MAP3K13: variants seen among roughly 807,000 people sequenced by gnomAD.
The protein encoded by MAP3K13 is mitogen-activated protein kinase kinase kinase 13.
A neutral mutation model predicts 104.0 loss-of-function variants in MAP3K13; 52 were observed. The observed-to-expected ratio is 0.50, with a 90% CI of 0.40 to 0.63. The LOEUF is 0.63. Ranked by LOEUF, MAP3K13 falls within the 20% of genes least tolerant of loss-of-function variation. MAP3K13 has a pLI of 0.00. For missense variants in MAP3K13, 914 were observed against 1,218.5 expected, an observed-to-expected ratio of 0.75 and a Z score of 3.72; for synonymous variants, 394 against 442.2, an observed-to-expected ratio of 0.89 and a Z score of 1.37.
chr3:185,326,975 T>C (rs1164468685), intron 2 of MAP3K13, among the ~76,000 whole-genome samples: 4 of 152,238 alleles, frequency 2.6e-5, no homozygotes, highest in African/African-American at 9.6e-5. Context: ...CCTGTATTAT[T>C]TTTCTATTGC....
At chr3:185,454,548 T>TATATATGATATATATATG (rs1716190459) in intron 7 of MAP3K13, among the ~76,000 whole-genome samples, 5 of 114,484 alleles carry the variant, frequency 4.4e-5, no homozygotes, top group South Asian at 2.5e-4. Flanking sequence ...ATATATATGA[T>TATATATGATATATATATG]ATATACACAT....
chr3:185,365,398 T>C (rs952559604), intron 1 of MAP3K13, among the ~76,000 whole-genome samples: 4 of 152,212 alleles, frequency 2.6e-5, no homozygotes, highest in African/African-American at 9.7e-5. Flanking sequence ...AGCCATGTCC[T>C]GGGGAACTGT....
At chr3:185,431,704 C>T (rs772237083) in intron 2 of MAP3K13, among the ~76,000 whole-genome samples, 1 of 152,192 alleles carries the variant, frequency 6.6e-6, no homozygotes, top group African/African-American at 2.4e-5. Flanking sequence ...CTGTTGACAG[C>T]TTTTCCACAA....
upstream of MAP3K13, chr3:185,363,119 C>T (rs1723712487): frequency 9.1e-6 from 9 of 984,442 alleles, no homozygotes; most frequent in Non-Finnish European, 1.1e-5. Flanking sequence ...TCTGGACCCG[C>T]CCCTCTTTTT....
chr3:185,334,187 AAT>A (rs1001494838), intron 2 of MAP3K13, among the ~76,000 whole-genome samples: 1 of 152,188 alleles, frequency 6.6e-6, no homozygotes, highest in African/African-American at 2.4e-5. Flanking sequence ...TAGAAAGTGC[AAT>A]ATATATATAC....
In MAP3K13 at chr3:185,485,589, C is replaced by T. The variant is rs1280061472; in HGVS notation, c.*3133C>T. 6.6e-6 allele frequency: 1 copy of T among 151,856 alleles called. No homozygotes were observed. Among genetic ancestry groups the T allele is most frequent in the African/African-American group, 2.4e-5 (1 of 41,324 alleles). 9.4% of individuals were successfully genotyped at this position (151,856 alleles called of 1,614,324 possible). Reference sequence around the variant, plus strand: ...TTAGTAGCAGTCTCGGTGATCAGATCGACTGTCTCGGTTATCAGATGACTG... The same window carrying T: ...TTAGTAGCAGTCTCGGTGATCAGATTGACTGTCTCGGTTATCAGATGACTG... On this transcript the variant is annotated 3_prime_UTR_variant, in exon 14 of 14. Coordinates refer to ENST00000265026, the MANE Select transcript of MAP3K13 (RefSeq NM_004721.5).
rs1223334895 is a variant in MAP3K13 at position 185,486,987 on chromosome 3, T to G, written c.*4531T>G. 1 of 152,238 alleles carries G rather than the reference T, an allele frequency of 6.6e-6. No homozygotes were observed. The highest frequency in any genetic ancestry group is 1.5e-5 in the Non-Finnish European group (1 of 68,050). 9.4% of individuals were successfully genotyped at this position (152,238 alleles called of 1,614,324 possible). On this transcript the variant is annotated 3_prime_UTR_variant, in exon 14 of 14. Coordinates refer to ENST00000265026, the MANE Select transcript of MAP3K13 (RefSeq NM_004721.5). ...CTAGCTACTTGAAGTTGAGATACTA[T>G]ATTTTAAAATGTTGGCATCAAACAA...
intron 2 of MAP3K13, among the ~76,000 whole-genome samples, chr3:185,347,218 C>T (rs62288718): frequency 0.15 from 22,513 of 152,002 alleles, 2,030 homozygotes; most frequent in Non-Finnish European, 0.19. Context: ...ATCTCTTGAC[C>T]TTATGATCCA....
At chr3:185,455,171 G>GAT (rs202038007) in intron 7 of MAP3K13, among the ~76,000 whole-genome samples, 9,312 of 28,374 alleles carry the variant, frequency 0.33, 4,036 homozygotes, top group Middle Eastern at 0.5. Flanking sequence ...ATATATATGA[G>GAT]ATATATATGA....
At chr3:185,363,773 C>G (rs1292155787) in intron 1 of MAP3K13, among the ~76,000 whole-genome samples, 1 of 152,240 alleles carries the variant, frequency 6.6e-6, no homozygotes, top group Non-Finnish European at 1.5e-5. Context: ...GGGCACTTGT[C>G]TTCCTTGCGA....
intron 7 of MAP3K13, among the ~76,000 whole-genome samples, chr3:185,452,712 C>T (rs1031564331): frequency 1.4e-4 from 22 of 152,172 alleles, no homozygotes; most frequent in Admixed American, 1.2e-3. Context: ...GTCTCATTCA[C>T]GCACCTGACC....
chr3:185,285,930 C>T (rs939254094), intron 2 of MAP3K13, among the ~76,000 whole-genome samples: 4 of 151,964 alleles, frequency 2.6e-5, no homozygotes, highest in East Asian at 1.9e-4. Flanking sequence ...ACTTTACATC[C>T]GGGTAGAAAT....
At chr3:185,302,249 A>G (rs894700208) in intron 2 of MAP3K13, among the ~76,000 whole-genome samples, 2 of 137,582 alleles carry the variant, frequency 1.5e-5, no homozygotes, top group African/African-American at 5.7e-5. Flanking sequence ...CTAAAAATAC[A>G]AAAAAAAAAA....
intron 1 of MAP3K13, among the ~76,000 whole-genome samples, chr3:185,385,976 C>G (rs1486645467): frequency 6.6e-6 from 1 of 151,100 alleles, no homozygotes; most frequent in Non-Finnish European, 1.5e-5. Context: ...GCATTCCAGC[C>G]TGGGTGACAA....
At chr3:185,467,754 G>A (rs1214138213) in intron 10 of MAP3K13, among the ~76,000 whole-genome samples, 3 of 147,822 alleles carry the variant, frequency 2.0e-5, no homozygotes, top group East Asian at 4.0e-4. Context: ...CTGCACCCCA[G>A]TCTGGTGACA....
At chr3:185,327,552 T>C (rs1471866199) in intron 2 of MAP3K13, among the ~76,000 whole-genome samples, 1 of 152,106 alleles carries the variant, frequency 6.6e-6, no homozygotes, top group African/African-American at 2.4e-5. Context: ...GAGAATAAAA[T>C]AATGTTCATA....
intron 2 of MAP3K13, among the ~76,000 whole-genome samples, chr3:185,316,070 TCA>T (rs1297219030): frequency 1.3e-5 from 2 of 152,166 alleles, no homozygotes; most frequent in African/African-American, 2.4e-5. Flanking sequence ...ATAGATAACT[TCA>T]CATAAAAACC....
chr3:185,357,750 C>A (rs1723428810), intron 2 of MAP3K13, among the ~76,000 whole-genome samples: 1 of 152,256 alleles, frequency 6.6e-6, no homozygotes, highest in African/African-American at 2.4e-5. Context: ...AATCTTATAT[C>A]CCTCATTGGT....
chr3:185,320,889 A>G (rs1011530993), intron 2 of MAP3K13, among the ~76,000 whole-genome samples: 4 of 152,346 alleles, frequency 2.6e-5, no homozygotes, highest in Non-Finnish European at 5.9e-5. Context: ...ACTACACTTA[A>G]GTCAGGGTCT....
Sources: gnomAD v4.1 joint callset for allele counts (sites outside exome capture counted in the v4.1 genomes callset) on GRCh38, gnomAD v4.1.1 for gene constraint, MANE v1.5 for transcripts, NCBI Gene and HGNC (gene_info 2026-07-23, HGNC 2026-07-21) for gene names.